Variants in PUM2 observed in about 807,000 individuals in gnomAD.
PUM2 encodes the protein pumilio homolog 2.
In PUM2, 57 loss-of-function variants were observed where a neutral mutation model predicts 124.5. The ratio of observed to expected loss-of-function variants is 0.46; its 90% confidence interval spans 0.37 to 0.57. The LOEUF is 0.57. PUM2 is among the 20% of genes least tolerant of loss of function. The pLI, the probability that PUM2 is intolerant of heterozygous loss-of-function variation, is 0.00. For synonymous variants in PUM2, 460 were observed against 446.1 expected (o/e 1.03, Z -0.39); for missense variants, 1,065 against 1,290.6 (o/e 0.83, Z 2.68).
chr2:20,345,349 A>T (rs2149130719), intron 1 of PUM2, among the ~76,000 whole-genome samples: 1 of 152,050 alleles, frequency 6.6e-6, no homozygotes, highest in Non-Finnish European at 1.5e-5. Context: ...GACTCAAGTG[A>T]TCGTCCCGCC....
intron 13 of PUM2, among the ~76,000 whole-genome samples, chr2:20,263,793 CA>C (rs1389411032): frequency 3.3e-5 from 5 of 152,090 alleles, no homozygotes; most frequent in African/African-American, 1.2e-4. Flanking sequence ...GTTACATTAA[CA>C]AGCAAGTTTA....
chr2:20,330,245 A>G (rs1684621762), intron 1 of PUM2, among the ~76,000 whole-genome samples: 2 of 152,318 alleles, frequency 1.3e-5, no homozygotes, highest in South Asian at 4.1e-4. Flanking sequence ...CCTTAGAATA[A>G]AGGCTGAAAA....
chr2:20,307,930 G>A, intron 7 of PUM2, 48 bp downstream of exon 7: 1 of 1,584,826 alleles, frequency 6.3e-7, no homozygotes, highest in African/African-American at 1.3e-5. Flanking sequence ...AAACATCCTA[G>A]ACATTTTAAC....
chr2:20,346,641 T>C (rs1028191918), intron 1 of PUM2, among the ~76,000 whole-genome samples: 1 of 152,222 alleles, frequency 6.6e-6, no homozygotes, highest in Admixed American at 6.5e-5. Flanking sequence ...TACAATAAGA[T>C]AGATCAAAGA....
chr2:20,346,745 A>G (rs368096597), intron 1 of PUM2, among the ~76,000 whole-genome samples: 111 of 152,250 alleles, frequency 7.3e-4, no homozygotes, highest in African/African-American at 2.5e-3. Context: ...CCATGACCAC[A>G]TTGTATGTGT....
chr2:20,329,749 A>C (rs1407590931), intron 1 of PUM2, among the ~76,000 whole-genome samples: 2 of 152,148 alleles, frequency 1.3e-5, no homozygotes, highest in Non-Finnish European at 2.9e-5. Context: ...TTTTTGGATC[A>C]GATGTTAAGT....
chr2:20,331,976 C>T (rs1179947730), intron 1 of PUM2: 3 of 152,112 alleles, frequency 2.0e-5, no homozygotes, highest in African/African-American at 4.8e-5. Flanking sequence ...CAGATATGTC[C>T]CAATAAAACT....
At chr2:20,345,089 CT>C (rs768667526) in intron 1 of PUM2, among the ~76,000 whole-genome samples, 181 of 129,338 alleles carry the variant, frequency 1.4e-3, no homozygotes, top group Admixed American at 1.6e-3. Flanking sequence ...GCACTTTTTT[CT>C]TTTTTTTTTT....
At chr2:20,256,493 T>C (rs1664790958) in intron 16 of PUM2, among the ~76,000 whole-genome samples, 1 of 152,232 alleles carries the variant, frequency 6.6e-6, no homozygotes, top group Admixed American at 6.5e-5. Context: ...CTGTCTTCAC[T>C]GTGTAAATCA....
chr2:20,279,885 A>G (rs1671100880), intron 12 of PUM2, among the ~76,000 whole-genome samples: 1 of 152,124 alleles, frequency 6.6e-6, no homozygotes, highest in Admixed American at 6.6e-5. Flanking sequence ...CCTATTTCTA[A>G]GCACTAGCCT....
At chr2:20,254,225 A>G (rs1264965648) in intron 19 of PUM2, among the ~76,000 whole-genome samples, 1 of 151,570 alleles carries the variant, frequency 6.6e-6, no homozygotes. Flanking sequence ...CAGTGATGCT[A>G]TCACCGCTCA....
rs1662980855 is a variant in PUM2 at position 20,250,249 on chromosome 2, TAAA to T, written c.*1333_*1335del. On this transcript the variant is annotated 3_prime_UTR_variant, in exon 21 of 21. Transcript: ENST00000361078. The stretch of plus-strand genomic sequence containing the variant: ...ATAAAACAAAATGATCTCACAATAA[TAAA>T]AAGAAAGCTGGTTCATACTTCTGAA... 1 of 152,430 alleles carries T rather than the reference TAAA, an allele frequency of 6.6e-6. No homozygotes were observed. The highest frequency in any genetic ancestry group is 2.4e-5 in the African/African-American group (1 of 41,410). The allele number at this position is 152,430 out of a possible 1,614,324, so 9.4% of individuals were successfully genotyped here.
chr2:20,290,456 AGTCTCAATTTACCATTCCTGTCG>A (rs1260303016), intron 10 of PUM2, among the ~76,000 whole-genome samples, 173 bp downstream of exon 10: 4 of 7,124 alleles, frequency 5.6e-4, no homozygotes, highest in African/African-American at 1.5e-3. Context: ...CCTGTCGTTG[AGTCTCAATTTACCATTCCTGTCG>A]TTGAGTCTCA....
chr2:20,319,371 G>C (rs576795798), intron 2 of PUM2, among the ~76,000 whole-genome samples: 1 of 152,322 alleles, frequency 6.6e-6, no homozygotes, highest in East Asian at 1.9e-4. Flanking sequence ...TGTTTGAGAA[G>C]AACAGACTGG....
intron 13 of PUM2, among the ~76,000 whole-genome samples, chr2:20,266,226 C>T (rs1490844321): frequency 6.6e-6 from 1 of 152,016 alleles, no homozygotes; most frequent in Non-Finnish European, 1.5e-5. Flanking sequence ...GCACATAGCT[C>T]GAGGTCATGA....
At position 20,260,404 on chromosome 2, in the gene PUM2, A is replaced by AT; in HGVS notation, c.2287dup (p.Ile763AsnfsTer11). 6.2e-7 allele frequency: 1 copy of AT among 1,611,810 alleles called. No homozygotes were observed. Among genetic ancestry groups the AT allele is most frequent in the Non-Finnish European group, 8.5e-7 (1 of 1,178,134 alleles). ...CATTAATTGATAGGCTGCTTGCAGAATTTCATTAAATACCATCTGTCGCTC... is the reference window on the plus strand; with the variant it reads ...CATTAATTGATAGGCTGCTTGCAGAATTTTCATTAAATACCATCTGTCGCTC... On this transcript the variant is annotated frameshift_variant, in exon 15 of 21. Coordinates refer to ENST00000361078, the MANE Select transcript of PUM2 (RefSeq NM_015317.5). LOFTEE classifies it high-confidence loss of function.
chr2:20,283,649 T>C (rs1334975187), intron 10 of PUM2, among the ~76,000 whole-genome samples, 163 bp from the exon 11 acceptor site: 2 of 152,264 alleles, frequency 1.3e-5, no homozygotes, highest in African/African-American at 4.8e-5. Flanking sequence ...GACAAGGTCT[T>C]ACTAAATATA....
At chr2:20,254,800 ATAAC>A in intron 19 of PUM2, 59 bp downstream of exon 19, 1 of 1,520,806 alleles carries the variant, frequency 6.6e-7, no homozygotes, top group South Asian at 1.2e-5. Flanking sequence ...TATTTCTGTG[ATAAC>A]TAATAAAAGT....
At position 20,312,412 on chromosome 2, in the gene PUM2, A is replaced by G. The variant is rs992727439; in HGVS notation, c.172T>C (p.Ser58Pro). ...TAWGASHHSM[S>P]QPIMVQRRSG... ...CTTCTCTGTACCATAATAGGCTGGG[A>G]CATTGAATGGTCTGTTTGGAAGAAA... The change falls in exon 4 of 21, where the codon TCC becomes CCC. Residue 58 changes from serine to proline, a missense_variant. This residue lies in a region of PUM2 where 90 missense variants were observed against 103.6 expected (regional missense o/e 0.87). Transcript: ENST00000361078. 6.2e-7 allele frequency: 1 copy of G among 1,613,002 alleles called. No individual in the cohort carries two copies. The highest frequency in any genetic ancestry group is 8.5e-7 in the Non-Finnish European group (1 of 1,179,560).
Sources: gnomAD v4.1 joint callset for allele counts (sites outside exome capture counted in the v4.1 genomes callset) on GRCh38, gnomAD v4.1.1 for gene constraint, gnomAD v4.1.1 regional missense constraint, MANE v1.5 for transcripts, NCBI Gene and HGNC (gene_info 2026-07-23, HGNC 2026-07-21) for gene names.